Variants in LUZP2 observed in about 807,000 individuals in gnomAD.
The protein encoded by LUZP2 is leucine zipper protein 2.
Under a neutral mutation model 51.6 loss-of-function variants are expected in LUZP2, and 52 were observed. That is an observed-to-expected ratio of 1.01 (90% confidence interval 0.81 to 1.27). LUZP2 has a LOEUF of 1.27. Ranked by LOEUF, LUZP2 falls within the 50% of genes most tolerant of loss-of-function variation. The pLI is 0.00. For missense variants in LUZP2, 436 were observed against 395.4 expected, an observed-to-expected ratio of 1.10 and a Z score of -0.87; for synonymous variants, 154 against 137.3, an observed-to-expected ratio of 1.12 and a Z score of -0.85.
intron 1 of LUZP2, among the ~76,000 whole-genome samples, chr11:24,667,596 G>C (rs1031412229): frequency 6.6e-6 from 1 of 152,160 alleles, no homozygotes; most frequent in East Asian, 1.9e-4. Context: ...AGCAGAGTTT[G>C]TACATTCAAA....
chr11:24,503,337 C>T (rs1483765802), intron 1 of LUZP2, among the ~76,000 whole-genome samples: 5 of 152,084 alleles, frequency 3.3e-5, no homozygotes, highest in Admixed American at 6.6e-5. Flanking sequence ...TGTAATTTAC[C>T]GCTAAGAGTA....
chr11:24,590,931 T>A (rs1853236518), intron 1 of LUZP2, among the ~76,000 whole-genome samples: 4 of 152,152 alleles, frequency 2.6e-5, no homozygotes, highest in African/African-American at 9.7e-5. Context: ...ACACTGATGC[T>A]ATTTGCGCTA....
At chr11:24,645,211 C>A (rs987109477) in intron 1 of LUZP2, among the ~76,000 whole-genome samples, 1 of 152,032 alleles carries the variant, frequency 6.6e-6, no homozygotes, top group African/African-American at 2.4e-5. Context: ...AGAGAGAGAC[C>A]ACAGGCAATA....
intron 9 of LUZP2, among the ~76,000 whole-genome samples, chr11:25,007,594 C>T (rs1856868990): frequency 6.7e-6 from 1 of 148,802 alleles, no homozygotes; most frequent in Admixed American, 6.9e-5. Flanking sequence ...CAAAGCAAGA[C>T]TCCATCTCAA....
At position 24,633,443 on chromosome 11, in the gene LUZP2, C is replaced by T. The variant is rs992666846; in HGVS notation, c.63-95726C>T. Reference sequence around the variant, plus strand: ...AAGGTCACCTTCTCATGTGAGTTACCTAGCCACTCCATGAAAATCAATCAG... The same window carrying T: ...AAGGTCACCTTCTCATGTGAGTTACTTAGCCACTCCATGAAAATCAATCAG... On this transcript the variant is annotated intron_variant, in intron 1 of 11. Coordinates refer to ENST00000336930, the MANE Select transcript of LUZP2 (RefSeq NM_001009909.4). Among the ~76,000 whole-genome samples the T allele has an allele frequency of 4.0e-5, 6 of 151,840 alleles. No homozygotes were observed. The East Asian group carries it at 1.2e-3, about 29-fold the overall frequency.
At chr11:24,943,585 A>C (rs1854817192) in intron 7 of LUZP2, among the ~76,000 whole-genome samples, 1 of 152,104 alleles carries the variant, frequency 6.6e-6, no homozygotes, top group Non-Finnish European at 1.5e-5. Context: ...TTTTGTCAAT[A>C]AAATATTCAT....
intron 1 of LUZP2, among the ~76,000 whole-genome samples, chr11:24,618,657 A>G (rs944013171): frequency 2.0e-5 from 3 of 152,198 alleles, no homozygotes; most frequent in African/African-American, 7.2e-5. Context: ...AAGAAAGCTT[A>G]AACAATTACG....
chr11:24,809,851 A>G (rs1425422287), intron 5 of LUZP2, among the ~76,000 whole-genome samples: 1 of 152,168 alleles, frequency 6.6e-6, no homozygotes, highest in Non-Finnish European at 1.5e-5. Context: ...ATACAAAGGT[A>G]TAAATGAAAA....
chr11:24,810,332 G>T (rs1242562581), intron 5 of LUZP2, among the ~76,000 whole-genome samples: 1 of 151,984 alleles, frequency 6.6e-6, no homozygotes, highest in African/African-American at 2.4e-5. Context: ...TGCCATTTTT[G>T]TAAGTTAGAA....
chr11:24,987,869 C>T (rs992047543), intron 9 of LUZP2, among the ~76,000 whole-genome samples: 9 of 151,886 alleles, frequency 5.9e-5, no homozygotes, highest in South Asian at 2.1e-4. Flanking sequence ...TGAGCCTAGG[C>T]GGCATCTTCA....
intron 5 of LUZP2, among the ~76,000 whole-genome samples, chr11:24,809,327 A>G (rs925755431): frequency 5.9e-5 from 9 of 152,160 alleles, no homozygotes; most frequent in Non-Finnish European, 2.9e-5. Context: ...ATTTTGCAGA[A>G]TTCCTGCAGA....
chr11:24,890,400 T>C (rs1241217995), intron 5 of LUZP2, among the ~76,000 whole-genome samples: 3 of 152,194 alleles, frequency 2.0e-5, no homozygotes, highest in Admixed American at 2.0e-4. Context: ...AATATAGATG[T>C]TTTCAGATAT....
intron 7 of LUZP2, among the ~76,000 whole-genome samples, chr11:24,943,113 A>T (rs1002006122): frequency 1.3e-5 from 2 of 152,120 alleles, no homozygotes; most frequent in Admixed American, 1.3e-4. Flanking sequence ...TCGTATGGTA[A>T]TTCTTTGTTC....
At position 24,570,255 on chromosome 11, in the gene LUZP2, A is replaced by G. The variant is rs180785399; in HGVS notation, c.62+72950A>G. On this transcript the variant is annotated intron_variant, in intron 1 of 11. Coordinates refer to ENST00000336930, the MANE Select transcript of LUZP2 (RefSeq NM_001009909.4). The stretch of plus-strand genomic sequence containing the variant: ...GAAGGATCTAGAAAGAGATGTGTTG[A>G]TATTTCATAGAATTTTCTGAGATTT... 8.5e-3 allele frequency among the ~76,000 whole-genome samples: 1,293 copies of G among 151,842 alleles called. 20 individuals carry two copies. Among genetic ancestry groups the G allele is most frequent in the African/African-American group, 0.03 (1,233 of 41,396 alleles).
At chr11:24,890,206 C>G (rs1224704846) in intron 5 of LUZP2, among the ~76,000 whole-genome samples, 1 of 152,066 alleles carries the variant, frequency 6.6e-6, no homozygotes, top group African/African-American at 2.4e-5. Flanking sequence ...AGCATATACT[C>G]AGGGAGAAAA....
intron 5 of LUZP2, among the ~76,000 whole-genome samples, chr11:24,774,362 C>CTCTCTCTCTCTCTCTCTCTCTCTATA (rs776739280): frequency 1.3e-5 from 1 of 76,344 alleles, no homozygotes; most frequent in African/African-American, 6.0e-5. Flanking sequence ...CTCTCTCTCT[C>CTCTCTCTCTCTCTCTCTCTCTCTATA]TATATATATA....
intron 3 of LUZP2, among the ~76,000 whole-genome samples, chr11:24,735,306 C>T (rs1858892454): frequency 6.6e-6 from 1 of 151,770 alleles, no homozygotes. Context: ...GGAGATTCCC[C>T]AGGTGAATGG....
rs200566769 is a variant in LUZP2, at chr11:24,926,495, G to GTA, written c.522+11963_522+11964dup. Among the ~76,000 whole-genome samples the GTA allele has an allele frequency of 3.7e-3, 312 of 84,234 alleles. 5 individuals carry two copies. The highest frequency in any genetic ancestry group is 0.013 in the African/African-American group (278 of 21,626). 55.3% of individuals were successfully genotyped at this position (84,234 alleles called of 152,430 possible). Reference sequence around the variant, plus strand: ...TATATATGTGTGTGTATATATATGTGTATATATGTGTGTGTATATACGTGT... The same window carrying GTA: ...TATATATGTGTGTGTATATATATGTGTATATATATGTGTGTGTATATACGTGT... On this transcript the variant is annotated intron_variant, in intron 7 of 11. Transcript: ENST00000336930.
At chr11:25,011,518 G>C (rs2133958588) in intron 9 of LUZP2, among the ~76,000 whole-genome samples, 1 of 152,214 alleles carries the variant, frequency 6.6e-6, no homozygotes, top group Non-Finnish European at 1.5e-5. Flanking sequence ...ACAGTGAATA[G>C]AAAAGCGAAC....
Sources: gnomAD v4.1 joint callset for allele counts (sites outside exome capture counted in the v4.1 genomes callset) on GRCh38, gnomAD v4.1.1 for gene constraint, MANE v1.5 for transcripts, NCBI Gene and HGNC (gene_info 2026-07-23, HGNC 2026-07-21) for gene names.